Variants in KIF17 observed in about 807,000 individuals in gnomAD.
KIF17 encodes kinesin-like protein KIF17.
Under a neutral mutation model 96.8 loss-of-function variants are expected in KIF17, and 80 were observed. The ratio of observed to expected loss-of-function variants is 0.83; its 90% CI spans 0.69 to 1.00. KIF17 has a LOEUF of 1.00. KIF17 is among the 50% of genes least tolerant of loss of function. The pLI is 0.00. For missense variants in KIF17, 1,280 were observed against 1,372.9 expected (o/e 0.93, Z 1.07); for synonymous variants, 567 against 587.5 (o/e 0.97, Z 0.51).
In KIF17 at chr1:20,685,634, T is replaced by C. The variant is rs2053923851; in HGVS notation, c.2019+412A>G. ...GCCCACACTTGAGTCCAAACTGTCTTCTTCCTCTATAAATGTAGGGAGATT... is the reference window on the plus strand; with the variant it reads ...GCCCACACTTGAGTCCAAACTGTCTCCTTCCTCTATAAATGTAGGGAGATT... On this transcript the variant is annotated intron_variant, in intron 9 of 14. Transcript: ENST00000400463. This position sits in a 1 kb window ranked among gnomAD's most constrained non-coding sequence, Gnocchi z 4.1. Among the ~76,000 whole-genome samples the C allele has an allele frequency of 6.6e-6, 1 of 152,128 alleles. No individual in the cohort carries two copies. The highest frequency in any genetic ancestry group is 1.5e-5 in the Non-Finnish European group (1 of 68,024).
intron 6 of KIF17, among the ~76,000 whole-genome samples, chr1:20,697,090 C>T (rs1570464201): frequency 6.6e-6 from 1 of 151,890 alleles, no homozygotes; most frequent in African/African-American, 2.4e-5. Flanking sequence ...CCCACGCCTC[C>T]GGCCCACAGG....
At position 20,665,659 on chromosome 1, in the gene KIF17, C is replaced by T. The variant is rs142076515; in HGVS notation, c.2908+555G>A. On this transcript the variant is annotated intron_variant, in intron 14 of 14. Coordinates refer to ENST00000400463, the MANE Select transcript of KIF17 (RefSeq NM_001122819.3). ...CAAGTGATCCACCCGCCTCAGCCTG[C>T]CAATGTGCTGGGATTACAAGGGTGA... 1.2e-4 allele frequency among the ~76,000 whole-genome samples: 19 copies of T among 152,262 alleles called. 1 individual carries two copies. Among genetic ancestry groups the T allele is most frequent in the African/African-American group, 3.6e-4 (15 of 41,544 alleles).
At position 20,685,922 on chromosome 1, in the gene KIF17, G is replaced by C; in HGVS notation, c.2019+124C>G. On this transcript the variant is annotated intron_variant, in intron 9 of 14. Coordinates refer to ENST00000400463, the MANE Select transcript of KIF17 (RefSeq NM_001122819.3). This position sits in a 1 kb window ranked among gnomAD's most constrained non-coding sequence, Gnocchi z 4.1. ...CGGGCCACAAGCCCGGGGAAGGCTGGAGTTGTTGTTCTCAGCTCATGGATG... is the reference window on the plus strand; with the variant it reads ...CGGGCCACAAGCCCGGGGAAGGCTGCAGTTGTTGTTCTCAGCTCATGGATG... The C allele has an allele frequency of 1.2e-6, 1 of 817,850 alleles. No individual in the cohort carries two copies. The highest frequency in any genetic ancestry group is 2.1e-5 in the Admixed American group (1 of 48,344). 50.7% of individuals were successfully genotyped at this position (817,850 alleles called of 1,614,324 possible). A position where few individuals can be genotyped will look rare whatever the true frequency, so the allele number is the denominator to read the frequency against.
In KIF17 at chr1:20,699,433, G is replaced by C. The variant is rs1298309896; in HGVS notation, c.1124-945C>G. ...ATACAAAAATTAGCTAGGCATGGTG[G>C]CGGGAGCCTGTAATCCCAGCTACTC... On this transcript the variant is annotated intron_variant, in intron 5 of 14. Transcript: ENST00000400463. This position sits in a 1 kb window ranked among gnomAD's most constrained non-coding sequence, Gnocchi z 4.3. Among the ~76,000 whole-genome samples, 2 of 152,198 alleles carry C rather than the reference G, an allele frequency of 1.3e-5. No homozygotes were observed. The highest frequency in any genetic ancestry group is 2.1e-4 in the South Asian group (1 of 4,828).
intron 8 of KIF17, chr1:20,686,501 TACACAC>T (rs10573512): frequency 3.9e-4 from 94 of 239,988 alleles, no homozygotes; most frequent in African/African-American, 1.8e-3. Flanking sequence ...ACACACAAAA[TACACAC>T]ACACACACAC....
At position 20,690,352 on chromosome 1, in the gene KIF17, G is replaced by GGGGGGGCA; in HGVS notation, c.1234-18_1234-17insTGCCCCCC. Reference sequence around the variant, plus strand: ...TTCATACTCCTGGGGGGGTGGGAGGGACCAGAGGGCAGGCAGCATTTTATC... The same window carrying GGGGGGGCA: ...TTCATACTCCTGGGGGGGTGGGAGGGGGGGGGCAACCAGAGGGCAGGCAGCATTTTATC... On this transcript the variant is annotated splice_polypyrimidine_tract_variant and intron_variant, in intron 6 of 14. Transcript: ENST00000400463. 1 of 451,168 alleles carries GGGGGGGCA rather than the reference G, an allele frequency of 2.2e-6. No homozygotes were observed. Among genetic ancestry groups the GGGGGGGCA allele is most frequent in the Non-Finnish European group, 4.3e-6 (1 of 235,148 alleles). 27.9% of individuals were successfully genotyped at this position (451,168 alleles called of 1,614,324 possible).
At chr1:20,703,847 C>T (rs549429748) in intron 5 of KIF17, among the ~76,000 whole-genome samples, 38 of 151,936 alleles carry the variant, frequency 2.5e-4, no homozygotes, top group African/African-American at 8.4e-4. Flanking sequence ...AGGAGAATGG[C>T]GTGAACCCGG....
At chr1:20,707,801 G>A (rs887866448) in intron 4 of KIF17, among the ~76,000 whole-genome samples, 5 of 140,678 alleles carry the variant, frequency 3.6e-5, no homozygotes, top group Non-Finnish European at 6.2e-5. Flanking sequence ...GTGTGTGTGT[G>A]TGTGTGTGTG....
At chr1:20,666,169 C>G (rs1010178214) in intron 14 of KIF17, 45 bp downstream of exon 14, 2 of 1,416,520 alleles carry the variant, frequency 1.4e-6, no homozygotes, top group Admixed American at 3.3e-5. Context: ...CTTCACGCCT[C>G]TCCCAGTTGT....
chr1:20,698,927 G>A (rs72980821), intron 5 of KIF17, among the ~76,000 whole-genome samples: 9,189 of 152,168 alleles, frequency 0.06, 730 homozygotes, highest in African/African-American at 0.18. Context: ...GGAGTCAGAA[G>A]CAGTTAGAAG....
chr1:20,669,434 G>T, intron 13 of KIF17, among the ~76,000 whole-genome samples: 1 of 151,678 alleles, frequency 6.6e-6, no homozygotes, highest in Non-Finnish European at 1.5e-5. Flanking sequence ...CTACTTGGGA[G>T]GCTGAGGCCG....
intron 4 of KIF17, among the ~76,000 whole-genome samples, chr1:20,708,173 T>G (rs890257248): frequency 4.6e-5 from 7 of 152,116 alleles, no homozygotes; most frequent in African/African-American, 1.4e-4. Flanking sequence ...GCTGCAGTAT[T>G]GAGGCTGTGA....
intron 14 of KIF17, among the ~76,000 whole-genome samples, chr1:20,665,381 C>A (rs1350515231): frequency 2.8e-4 from 41 of 148,460 alleles, no homozygotes; most frequent in Middle Eastern, 6.4e-3. Flanking sequence ...GCATGCATCA[C>A]CATACCCAGC....
rs74486081 is a variant in KIF17 at position 20,685,038 on chromosome 1, C to G, written c.2020-18G>C. The G allele has an allele frequency of 1.1e-5, 18 of 1,569,222 alleles. No individual in the cohort carries two copies. In the African/African-American group the frequency reaches 1.9e-4, roughly 17 times the overall value. ...TCTACCTCCTGAGTGTGAAGAGAAA[C>G]CCAGGTGGAGGTGGGAAGGCCGCCC... is the stretch of plus-strand genomic sequence containing the variant. On this transcript the variant is annotated intron_variant, in intron 9 of 14. Transcript: ENST00000400463. This position sits in a 1 kb window ranked among gnomAD's most constrained non-coding sequence, Gnocchi z 4.1.
chr1:20,681,068 G>A (rs2154535609), intron 11 of KIF17, among the ~76,000 whole-genome samples: 1 of 150,204 alleles, frequency 6.7e-6, no homozygotes, highest in East Asian at 2.0e-4. Context: ...GGAGCTTGCA[G>A]TGAGCTGAGA....
chr1:20,707,514 T>TCTG (rs1231624664), intron 4 of KIF17, among the ~76,000 whole-genome samples: 1 of 152,006 alleles, frequency 6.6e-6, no homozygotes, highest in Non-Finnish European at 1.5e-5. Flanking sequence ...GTGGCTCATG[T>TCTG]CTGTAATCCC....
intron 2 of KIF17, 125 bp downstream of exon 2, chr1:20,715,368 T>C (rs2054558248): frequency 4.0e-6 from 5 of 1,263,818 alleles, no homozygotes; most frequent in Admixed American, 3.5e-5. Context: ...ACCCAGAGCC[T>C]TCTCTGCTGA....
downstream of KIF17, chr1:20,661,680 G>A (rs1479626370): frequency 4.6e-6 from 2 of 439,138 alleles, no homozygotes; most frequent in South Asian, 3.9e-5. Flanking sequence ...CCGGCCTCCC[G>A]CCCCCTAGTC....
rs762464381 is a variant in KIF17 at position 20,704,502 on chromosome 1, C to A, written c.1068G>T (p.Glu356Asp). 1.2e-6 allele frequency: 2 copies of A among 1,614,214 alleles called. No homozygotes were observed. Among genetic ancestry groups the A allele is most frequent in the South Asian group, 1.1e-5 (1 of 91,086 alleles). The change falls in exon 5 of 15, where the codon GAG becomes GAT. Residue 356 changes from glutamate (E) to aspartate (D), a missense_variant. Coordinates refer to ENST00000400463, the MANE Select transcript of KIF17 (RefSeq NM_001122819.3). The surrounding 1 kb of genome is among the most constrained non-coding windows in gnomAD (Gnocchi z 6.8). ...KDALLREYQE[E>D]IKKLKAILTQ... ...TCAGGATGGCCTTGAGCTTCTTGAT[C>A]TCCTCCTGGTACTCGCGAAGCAGCG...
Sources: gnomAD v4.1 joint callset for allele counts (sites outside exome capture counted in the v4.1 genomes callset) on GRCh38, gnomAD v4.1.1 for gene constraint, Gnocchi (gnomAD v3.1) non-coding constraint, MANE v1.5 for transcripts, NCBI Gene and HGNC (gene_info 2026-07-23, HGNC 2026-07-21) for gene names.